The following DYDC2 variants were observed in gnomAD, a reference collection of about 807,000 sequenced individuals.
DYDC2 encodes DPY30 domain containing 2.
DYDC2 carries 19 observed loss-of-function variants against 18.7 expected under a neutral mutation model. That is an observed-to-expected ratio of 1.02 (90% CI 0.71 to 1.49). The LOEUF is 1.49. Among genes scored for constraint, DYDC2 ranks in the 40% most tolerant of loss-of-function variants. The probability of loss-of-function intolerance (pLI) is 0.00; values close to 1 mark genes in which losing one functional copy is unlikely to be tolerated. For synonymous variants in DYDC2, 63 were observed against 67.6 expected, an observed-to-expected ratio of 0.93 and a Z score of 0.34; for missense variants, 179 against 205.1, an observed-to-expected ratio of 0.87 and a Z score of 0.78.
chr10:80,358,297 G>T (rs1843511907), intron 2 of DYDC2, among the ~76,000 whole-genome samples: 1 of 152,160 alleles, frequency 6.6e-6, no homozygotes, highest in African/African-American at 2.4e-5. Flanking sequence ...GGAATTGCTT[G>T]AACCAAGGAG....
chr10:80,360,862 T>G (rs924107445), intron 2 of DYDC2, among the ~76,000 whole-genome samples: 1 of 151,600 alleles, frequency 6.6e-6, no homozygotes, highest in Non-Finnish European at 1.5e-5. Context: ...TGGGCTCAAG[T>G]GATCCTCCCA....
Position 80,367,748 on chromosome 10 carries a change from A to AGCAG in DYDC2, c.*798_*801dup, listed in dbSNP as rs1483691472. On this transcript the variant is annotated 3_prime_UTR_variant, in exon 5 of 5. Coordinates refer to ENST00000256039, the MANE Select transcript of DYDC2 (RefSeq NM_032372.6). ...CCTGGAGTCTACCTATGTCACTGAT[A>AGCAG]GCAGATATTTTTCTTCAACATATAT... is the stretch of plus-strand genomic sequence containing the variant. 1 of 152,192 alleles carries AGCAG rather than the reference A, an allele frequency of 6.6e-6. No homozygotes were observed. Among genetic ancestry groups the AGCAG allele is most frequent in the Non-Finnish European group, 1.5e-5 (1 of 68,034 alleles). The allele number at this position is 152,192 out of a possible 1,614,324, so 9.4% of individuals were successfully genotyped here.
chr10:80,358,057 C>G lies in DYDC2; in HGVS notation c.-10+12C>G. The G allele has an allele frequency of 8.1e-6, 8 of 985,530 alleles. No individual in the cohort carries two copies. The highest frequency in any genetic ancestry group is 9.6e-6 in the Non-Finnish European group (8 of 830,050). 61.0% of individuals were successfully genotyped at this position (985,530 alleles called of 1,614,324 possible). On this transcript the variant is annotated intron_variant, in intron 2 of 4. Coordinates refer to ENST00000256039, the MANE Select transcript of DYDC2 (RefSeq NM_032372.6). ...CTCTCCCCCCATTGGTGAGTGTACC[C>G]TAAGTTGGTCTGAGTGGGCTTTAAA... is the stretch of plus-strand genomic sequence containing the variant.
intron 1 of DYDC2, among the ~76,000 whole-genome samples, chr10:80,349,393 C>T (rs981940059): frequency 3.3e-5 from 5 of 152,162 alleles, no homozygotes; most frequent in African/African-American, 7.2e-5. Context: ...GTTATTCCTA[C>T]ATAATATGCC....
chr10:80,356,847 G>A (rs1843404361), intron 1 of DYDC2, 22 bp downstream of exon 1: 25 of 985,360 alleles, frequency 2.5e-5, no homozygotes, highest in South Asian at 9.4e-5. Context: ...GCACGCGGTG[G>A]GCAGCGAAGG....
chr10:80,352,504 A>T (rs759659417), upstream of DYDC2: 6 of 1,613,308 alleles, frequency 3.7e-6, no homozygotes, highest in African/African-American at 8.0e-5. Flanking sequence ...CCACAATGCT[A>T]AATATTCTAT....
intron 4 of DYDC2, among the ~76,000 whole-genome samples, chr10:80,365,966 A>G (rs920275643): frequency 6.7e-6 from 1 of 149,096 alleles, no homozygotes; most frequent in African/African-American, 2.5e-5. Context: ...GAAAATATTT[A>G]TAATAGCTGT....
intron 2 of DYDC2, among the ~76,000 whole-genome samples, chr10:80,359,900 G>T (rs1377404816): frequency 6.6e-6 from 1 of 152,146 alleles, no homozygotes; most frequent in Non-Finnish European, 1.5e-5. Context: ...AGCAGAGCCG[G>T]CTCCGGCCTT....
At chr10:80,360,765 T>TTC (rs1468786518) in intron 2 of DYDC2, among the ~76,000 whole-genome samples, 2 of 143,822 alleles carry the variant, frequency 1.4e-5, no homozygotes, top group Non-Finnish European at 1.5e-5. Context: ...CTTTCTTTCT[T>TTC]TTTTTTTTTT....
chr10:80,352,113 A>G (rs756182899), upstream of DYDC2: 34 of 955,818 alleles, frequency 3.6e-5, no homozygotes, highest in African/African-American at 5.2e-4. Context: ...TAAGCAAATT[A>G]TAGCCCATCC....
upstream of DYDC2, among the ~76,000 whole-genome samples, chr10:80,356,105 G>A (rs185256561): frequency 2.3e-3 from 349 of 152,320 alleles, no homozygotes; most frequent in African/African-American, 8.0e-3. Flanking sequence ...TACCAGCGGG[G>A]CCAGGTCAGG....
chr10:80,353,487 A>G (rs1843134027), upstream of DYDC2, among the ~76,000 whole-genome samples: 1 of 151,322 alleles, frequency 6.6e-6, no homozygotes, highest in Admixed American at 6.6e-5. Flanking sequence ...AAAACAGAAA[A>G]GGAAAAATGG....
chr10:80,355,865 C>T (rs1843335017), upstream of DYDC2, among the ~76,000 whole-genome samples: 1 of 151,572 alleles, frequency 6.6e-6, no homozygotes, highest in Admixed American at 6.6e-5. Context: ...CTCAACCATA[C>T]AGAGAAAAGA....
chr10:80,367,096 T>C lies in DYDC2; in HGVS notation c.*145T>C. ...TCCTTTTCTGAAAAACCCTTAATCATGTGAACATTTGAACTAGTTATAGGA... is the reference window on the plus strand; with the variant it reads ...TCCTTTTCTGAAAAACCCTTAATCACGTGAACATTTGAACTAGTTATAGGA... On this transcript the variant is annotated 3_prime_UTR_variant, in exon 5 of 5. Transcript: ENST00000256039. The C allele has an allele frequency of 2.1e-6, 2 of 952,320 alleles. No individual in the cohort carries two copies. The highest frequency in any genetic ancestry group is 5.3e-5 in the Admixed American group (2 of 37,810). 59.0% of individuals were successfully genotyped at this position (952,320 alleles called of 1,614,324 possible).
At chr10:80,363,410 T>A (rs1843728314) in intron 4 of DYDC2, among the ~76,000 whole-genome samples, 1 of 145,816 alleles carries the variant, frequency 6.9e-6, no homozygotes, top group African/African-American at 2.5e-5. Flanking sequence ...AGTGGAGCGA[T>A]CTCGTCTCAC....
intron 2 of DYDC2, 60 bp from the exon 3 acceptor site, chr10:80,362,375 C>A (rs1234038272): frequency 3.2e-6 from 5 of 1,558,890 alleles, no homozygotes; most frequent in East Asian, 4.5e-5. Context: ...TAGAATGTGT[C>A]TATTTTTAAT....
upstream of DYDC2, chr10:80,352,002 T>C (rs368600406): frequency 3.0e-5 from 48 of 1,613,638 alleles, no homozygotes; most frequent in Non-Finnish European, 4.1e-5. Flanking sequence ...TCCTTTTGTC[T>C]CTAGCATTGT....
intron 1 of DYDC2, 109 bp downstream of exon 1, chr10:80,356,934 A>AG: frequency 1.2e-6 from 1 of 805,912 alleles, no homozygotes; most frequent in Non-Finnish European, 1.5e-6. Flanking sequence ...GGCAGAGTAG[A>AG]GGGGGCGCGG....
chr10:80,361,953 G>A (rs1843675355), intron 2 of DYDC2, among the ~76,000 whole-genome samples: 1 of 152,188 alleles, frequency 6.6e-6, no homozygotes, highest in African/African-American at 2.4e-5. Context: ...TATATGCTTA[G>A]CGTGCTCATT....
Sources: allele counts gnomAD v4.1 joint callset (sites outside exome capture counted in the v4.1 genomes callset), GRCh38; gene constraint gnomAD v4.1.1; transcripts MANE v1.5; gene names NCBI Gene and HGNC (gene_info 2026-07-23, HGNC 2026-07-21).